Variants in HIVEP1 observed in about 807,000 individuals in gnomAD.
The protein encoded by HIVEP1 is zinc finger protein 40.
In HIVEP1, 36 loss-of-function variants were observed where a neutral mutation model predicts 180.0. The observed-to-expected ratio is 0.20, with a 90% CI of 0.15 to 0.26. The LOEUF is 0.26. HIVEP1 is among the 10% of genes least tolerant of loss of function. The pLI is 1.00. For missense variants in HIVEP1, 3,143 were observed against 3,268.7 expected (o/e 0.96, Z 0.94); for synonymous variants, 1,239 against 1,239.0 (o/e 1.00, Z 0.00).
intron 2 of HIVEP1, among the ~76,000 whole-genome samples, chr6:12,053,877 A>G (rs900318401): frequency 6.6e-6 from 1 of 152,246 alleles, no homozygotes; most frequent in Non-Finnish European, 1.5e-5. Flanking sequence ...TACATAACGT[A>G]TCTTTTACTT....
chr6:12,184,055 A>T, the HIVEP1 span, among the ~76,000 whole-genome samples: 47 of 146,378 alleles, frequency 3.2e-4, no homozygotes, highest in African/African-American at 1.2e-3. Flanking sequence ...ACAGACAGAC[A>T]GACAGACTGA....
At chr6:12,141,691 C>CAAAAAAAAAAAAAAAAAAAA (rs60419579) in intron 7 of HIVEP1, among the ~76,000 whole-genome samples, 2 of 19,238 alleles carry the variant, frequency 1.0e-4, no homozygotes, top group Non-Finnish European at 1.6e-4. Context: ...AAATGGAAAG[C>CAAAAAAAAAAAAAAAAAAAA]AAAAAAAAAA....
At chr6:12,157,410 G>A (rs1338398189) in intron 7 of HIVEP1, among the ~76,000 whole-genome samples, 1 of 152,002 alleles carries the variant, frequency 6.6e-6, no homozygotes, top group Non-Finnish European at 1.5e-5. Context: ...GCCTTCTCTA[G>A]TATTAACTGA....
chr6:12,064,111 T>A (rs907922263), intron 2 of HIVEP1, among the ~76,000 whole-genome samples: 3 of 152,170 alleles, frequency 2.0e-5, no homozygotes, highest in Non-Finnish European at 4.4e-5. Flanking sequence ...CTCTAATGCA[T>A]CTACTTGTAA....
intron 3 of HIVEP1, among the ~76,000 whole-genome samples, chr6:12,104,700 G>A (rs1469118970): frequency 1.3e-5 from 2 of 152,050 alleles, no homozygotes; most frequent in African/African-American, 4.8e-5. Context: ...CTGAGTAGCT[G>A]GGAGTGGCAA....
intron 7 of HIVEP1, among the ~76,000 whole-genome samples, chr6:12,146,674 T>A (rs1370864690): frequency 1.3e-5 from 2 of 152,214 alleles, no homozygotes. Flanking sequence ...TTTTGACTAT[T>A]CTGTGTTCTC....
At chr6:12,108,350 G>T (rs116694663) in intron 3 of HIVEP1, among the ~76,000 whole-genome samples, 9,911 of 152,322 alleles carry the variant, frequency 0.065, 376 homozygotes, top group Middle Eastern at 0.15. Context: ...CACCAGGACT[G>T]CAGGTGGAGC....
At chr6:12,025,240 C>G (rs1581518875) in intron 2 of HIVEP1, among the ~76,000 whole-genome samples, 2 of 152,290 alleles carry the variant, frequency 1.3e-5, no homozygotes, top group African/African-American at 2.4e-5. Context: ...GAAATGCTCT[C>G]CATCCCAGTT....
chr6:12,109,531 A>G (rs1774748292), intron 3 of HIVEP1, among the ~76,000 whole-genome samples: 1 of 152,232 alleles, frequency 6.6e-6, no homozygotes, highest in Non-Finnish European at 1.5e-5. Flanking sequence ...ATTTCATCTC[A>G]AGAAACCACT....
At chr6:12,035,158 A>G (rs1047569124) in intron 2 of HIVEP1, among the ~76,000 whole-genome samples, 1 of 152,182 alleles carries the variant, frequency 6.6e-6, no homozygotes, top group Non-Finnish European at 1.5e-5. Context: ...TATGAGTTTA[A>G]TCTGTGACAG....
At chr6:12,106,055 CACAT>C (rs1273537812) in intron 3 of HIVEP1, among the ~76,000 whole-genome samples, 1 of 151,506 alleles carries the variant, frequency 6.6e-6, no homozygotes, top group Non-Finnish European at 1.5e-5. Context: ...TATACACACA[CACAT>C]ATATACATAT....
intron 1 of HIVEP1, among the ~76,000 whole-genome samples, chr6:12,015,173 A>G (rs760539600): frequency 1.8e-4 from 27 of 152,182 alleles, no homozygotes; most frequent in Non-Finnish European, 3.5e-4. Context: ...TGAACAAGAC[A>G]TTGTCCCTGC....
At chr6:12,129,495 TAGG>T (rs2113559762) in intron 4 of HIVEP1, 1 of 544,906 alleles carries the variant, frequency 1.8e-6, no homozygotes, top group South Asian at 1.6e-5. Context: ...TACCATGGTA[TAGG>T]AGGTTGTAAA....
At chr6:12,145,522 A>G (rs1303018870) in intron 7 of HIVEP1, among the ~76,000 whole-genome samples, 1 of 151,830 alleles carries the variant, frequency 6.6e-6, no homozygotes, top group Non-Finnish European at 1.5e-5. Context: ...GTATAAAAAA[A>G]AAAAAAAAAA....
chr6:12,137,565 G>A (rs1162362007), intron 7 of HIVEP1, among the ~76,000 whole-genome samples: 1 of 150,676 alleles, frequency 6.6e-6, no homozygotes, highest in Non-Finnish European at 1.5e-5. Flanking sequence ...TTTCCTTTCA[G>A]TTTACTTTTT....
chr6:12,034,231 T>C (rs1769136514), intron 2 of HIVEP1, among the ~76,000 whole-genome samples: 1 of 152,258 alleles, frequency 6.6e-6, no homozygotes, highest in African/African-American at 2.4e-5. Context: ...CTTGTACTTT[T>C]GTTAAACACT....
At chr6:12,173,564 A>G in the HIVEP1 span, among the ~76,000 whole-genome samples, 1 of 152,312 alleles carries the variant, frequency 6.6e-6, no homozygotes, top group East Asian at 1.9e-4. Context: ...CCCTACATAT[A>G]AAACGTAACT....
the HIVEP1 span, among the ~76,000 whole-genome samples, chr6:12,181,242 C>T: frequency 6.6e-6 from 1 of 151,876 alleles, no homozygotes; most frequent in African/African-American, 2.4e-5. Flanking sequence ...TGCCTGTAGT[C>T]CCAGCTACTC....
chr6:12,131,573 GC>G (rs1304965513), intron 6 of HIVEP1, among the ~76,000 whole-genome samples: 2 of 151,132 alleles, frequency 1.3e-5, no homozygotes, highest in Non-Finnish European at 3.0e-5. Context: ...TTATTTATAA[GC>G]CTCACTCATA....
Sources: allele counts gnomAD v4.1 joint callset (sites outside exome capture counted in the v4.1 genomes callset), GRCh38; gene constraint gnomAD v4.1.1; transcripts MANE v1.5; gene names NCBI Gene and HGNC (gene_info 2026-07-23, HGNC 2026-07-21).